LARGE1: variants seen among roughly 807,000 people sequenced by gnomAD.
The protein encoded by LARGE1 is LARGE xylosyl- and glucuronyltransferase 1, also known as xylosyl- and glucuronyltransferase LARGE1.
Under a neutral mutation model 87.6 loss-of-function variants are expected in LARGE1, and 43 were observed. That is an observed-to-expected ratio of 0.49 (90% CI 0.38 to 0.63). The LOEUF (loss-of-function observed/expected upper bound fraction) is 0.63. Ranked by LOEUF, LARGE1 falls within the 30% of genes least tolerant of loss-of-function variation. LARGE1 has a pLI of 0.00. For synonymous variants in LARGE1, 434 were observed against 394.6 expected (o/e 1.10, Z -1.18); for missense variants, 802 against 1,000.2 (o/e 0.80, Z 2.67).
chr22:33,604,083 C>A (rs780674253), intron 5 of LARGE1, among the ~76,000 whole-genome samples: 1 of 152,092 alleles, frequency 6.6e-6, no homozygotes, highest in African/African-American at 2.4e-5. Flanking sequence ...CAAATTTAAA[C>A]CCCAGCCCAT....
At chr22:33,394,104 G>A (rs1296289061) in intron 7 of LARGE1, among the ~76,000 whole-genome samples, 1 of 147,250 alleles carries the variant, frequency 6.8e-6, no homozygotes, top group East Asian at 2.0e-4. Flanking sequence ...AAAAAGAGAA[G>A]CTAAACAGGG....
intron 3 of LARGE1, among the ~76,000 whole-genome samples, chr22:33,633,509 C>T (rs2080172970): frequency 6.6e-6 from 1 of 152,156 alleles, no homozygotes; most frequent in Non-Finnish European, 1.5e-5. Flanking sequence ...AAATCATTGT[C>T]CCAAAAGAAA....
chr22:33,867,195 G>A (rs1306914052), intron 1 of LARGE1, among the ~76,000 whole-genome samples: 2 of 152,206 alleles, frequency 1.3e-5, no homozygotes, highest in Non-Finnish European at 2.9e-5. Flanking sequence ...TAACTCAGCT[G>A]TTGCCAGGTG....
At chr22:33,127,337 AGT>A in the LARGE1 span, among the ~76,000 whole-genome samples, 69,500 of 151,750 alleles carry the variant, frequency 0.46, 16,482 homozygotes, top group East Asian at 0.68. Context: ...GTCAGGTGAG[AGT>A]GTGTGTCTCA....
chr22:33,476,468 A>G (rs904184243), intron 6 of LARGE1, among the ~76,000 whole-genome samples: 3 of 152,192 alleles, frequency 2.0e-5, no homozygotes, highest in East Asian at 1.9e-4. Context: ...CATCTTATAC[A>G]TATTGACTGA....
chr22:33,115,692 C>A, the LARGE1 span, among the ~76,000 whole-genome samples: 1 of 151,992 alleles, frequency 6.6e-6, no homozygotes, highest in Non-Finnish European at 1.5e-5. Context: ...GTGGCACACA[C>A]CTGTAGTCCC....
intron 6 of LARGE1, among the ~76,000 whole-genome samples, chr22:33,435,711 T>C (rs2067245688): frequency 2.0e-5 from 3 of 152,306 alleles, no homozygotes; most frequent in African/African-American, 7.2e-5. Context: ...ATGATTTTCA[T>C]GGTTAACCTA....
At chr22:33,694,849 C>T (rs573839318) in intron 2 of LARGE1, among the ~76,000 whole-genome samples, 209 of 152,284 alleles carry the variant, frequency 1.4e-3, no homozygotes, top group Non-Finnish European at 2.0e-3. Context: ...CATGCCAGCA[C>T]TGACTTTGGG....
In LARGE1 at chr22:33,337,817, G is replaced by C. The variant is rs1483605712; in HGVS notation, c.1132-16C>G. 1.2e-6 allele frequency: 2 copies of C among 1,614,058 alleles called. No individual in the cohort carries two copies. The highest frequency in any genetic ancestry group is 1.7e-6 in the Non-Finnish European group (2 of 1,180,026). ...AGTGAATGACCTGGCAGGGAGATAA[G>C]GAAGTGGTCAGGTATGGCAGGGGTG... On this transcript the variant is annotated splice_polypyrimidine_tract_variant and intron_variant, in intron 9 of 14. Transcript: ENST00000397394.
At chr22:33,339,103 G>T (rs1197850585) in intron 9 of LARGE1, among the ~76,000 whole-genome samples, 1 of 148,470 alleles carries the variant, frequency 6.7e-6, no homozygotes, top group Non-Finnish European at 1.5e-5. Context: ...GGCCGAGATT[G>T]CACCACTGCA....
chr22:33,718,638 C>A lies in LARGE1; in HGVS notation c.106+42733G>T, dbSNP rs13057574. Among the ~76,000 whole-genome samples the A allele has an allele frequency of 1.8e-3, 274 of 152,330 alleles. 3 individuals carry two copies. Among genetic ancestry groups the A allele is most frequent in the South Asian group, 9.5e-3 (46 of 4,822 alleles). ...AGTTATTTTATGGTGAGGTGCCTTC[C>A]CTATCCTAACTCCAATCAATGCACG... On this transcript the variant is annotated intron_variant, in intron 2 of 14. Transcript: ENST00000397394.
chr22:33,656,154 G>A (rs112334785), intron 2 of LARGE1, among the ~76,000 whole-genome samples: 2,987 of 152,082 alleles, frequency 0.02, 78 homozygotes, highest in African/African-American at 0.06. Context: ...TTTTCACGCT[G>A]CTGATAAAGA....
intron 5 of LARGE1, among the ~76,000 whole-genome samples, chr22:33,581,476 T>G (rs1349735984): frequency 6.6e-6 from 1 of 152,162 alleles, no homozygotes; most frequent in Non-Finnish European, 1.5e-5. Flanking sequence ...ATAAATAAAG[T>G]TATTTTGTTG....
Position 33,396,976 on chromosome 22 carries a change from G to T in LARGE1, c.893-12672C>A, listed in dbSNP as rs145063266. Among the ~76,000 whole-genome samples the T allele has an allele frequency of 3.2e-3, 490 of 152,272 alleles. 1 individual carries two copies. The highest frequency in any genetic ancestry group is 0.011 in the African/African-American group (472 of 41,548). On this transcript the variant is annotated intron_variant, in intron 7 of 14. Coordinates refer to ENST00000397394, the MANE Select transcript of LARGE1 (RefSeq NM_133642.5). ...GAGTGGAATGTACATTCAGAAAAGT[G>T]CATAGATCATAACTGTACAGCTTGA...
chr22:33,154,352 T>G, the LARGE1 span, among the ~76,000 whole-genome samples: 1 of 152,160 alleles, frequency 6.6e-6, no homozygotes, highest in East Asian at 1.9e-4. Context: ...GCGATTCTCC[T>G]GCCTCAGCCT....
At chr22:33,240,043 A>G (rs1483431551) in intron 11 of LARGE1, among the ~76,000 whole-genome samples, 2 of 152,176 alleles carry the variant, frequency 1.3e-5, no homozygotes, top group African/African-American at 4.8e-5. Context: ...CATCGTGGAG[A>G]AGTGCATTCA....
At chr22:33,263,250 A>T (rs1927743419) in intron 11 of LARGE1, among the ~76,000 whole-genome samples, 1 of 152,172 alleles carries the variant, frequency 6.6e-6, no homozygotes, top group South Asian at 2.1e-4. Flanking sequence ...TCAGACTTGT[A>T]AGAGGACCTC....
At chr22:33,455,579 C>T (rs2068098801) in intron 6 of LARGE1, among the ~76,000 whole-genome samples, 1 of 151,762 alleles carries the variant, frequency 6.6e-6, no homozygotes, top group African/African-American at 2.4e-5. Context: ...ATAGTGAAAC[C>T]CTGTATTTAC....
chr22:33,569,667 C>G (rs532904170), intron 5 of LARGE1, among the ~76,000 whole-genome samples: 1 of 152,264 alleles, frequency 6.6e-6, no homozygotes, highest in African/African-American at 2.4e-5. Context: ...ACATTCTCCC[C>G]CTCTTTCAAG....
Sources: gnomAD v4.1 joint callset for allele counts (sites outside exome capture counted in the v4.1 genomes callset) on GRCh38, gnomAD v4.1.1 for gene constraint, MANE v1.5 for transcripts, NCBI Gene and HGNC (gene_info 2026-07-23, HGNC 2026-07-21) for gene names.